KIF5C: variants seen among roughly 807,000 people sequenced by gnomAD.
KIF5C encodes the protein kinesin heavy chain isoform 5C.
Under a neutral mutation model 125.2 loss-of-function variants are expected in KIF5C, and 18 were observed. The ratio of observed to expected loss-of-function variants is 0.14; its 90% CI spans 0.10 to 0.21. KIF5C has a LOEUF of 0.21. Among genes scored for constraint, KIF5C ranks in the 10% least tolerant of loss-of-function variants. KIF5C has a pLI of 1.00. For missense variants in KIF5C, 780 were observed against 1,183.8 expected, an observed-to-expected ratio of 0.66 and a Z score of 5.01; for synonymous variants, 405 against 434.0, an observed-to-expected ratio of 0.93 and a Z score of 0.83.
chr2:148,955,248 T>C (rs1254750094), intron 10 of KIF5C, among the ~76,000 whole-genome samples: 1 of 152,246 alleles, frequency 6.6e-6, no homozygotes, highest in Non-Finnish European at 1.5e-5. Context: ...TAGTTTTATA[T>C]GTCAGCTTGG....
chr2:148,980,757 G>A (rs142160526), intron 13 of KIF5C, among the ~76,000 whole-genome samples: 300 of 151,942 alleles, frequency 2.0e-3, no homozygotes, highest in African/African-American at 6.9e-3. Flanking sequence ...CCAGGCTGGA[G>A]TGCAGTGGCA....
intron 25 of KIF5C, among the ~76,000 whole-genome samples, chr2:149,017,005 G>A (rs941838926): frequency 2.6e-5 from 4 of 152,186 alleles, no homozygotes; most frequent in Non-Finnish European, 5.9e-5. Flanking sequence ...CTCAGAGCTT[G>A]AGTAAGATGA....
chr2:148,885,951 C>T (rs1252892055), intron 1 of KIF5C: 1 of 152,152 alleles, frequency 6.6e-6, no homozygotes, highest in East Asian at 1.9e-4. Context: ...TCTTATTTTG[C>T]CAAGCAGTCG....
rs751217297 is a variant in KIF5C at position 148,973,426 on chromosome 2, C to T, written c.1208C>T (p.Ala403Val). 2 of 1,613,758 alleles carry T rather than the reference C, an allele frequency of 1.2e-6. No individual in the cohort carries two copies. The highest frequency in any genetic ancestry group is 4.5e-5 in the East Asian group (2 of 44,864). The change falls in exon 12 of 26, where the codon GCT (alanine) becomes GTT (valine). Residue 403 changes from alanine (A) to valine (V), a missense_variant. By Grantham distance (64) the Ala-to-Val change is moderately conservative. Transcript: ENST00000435030. Reference protein sequence around the residue: ...CDNTPIIDNIAPVVAGISTEE... With the variant: ...CDNTPIIDNIVPVVAGISTEE... ...AACACCCCCATCATAGACAATATTGCTCCTGTTGTTGCTGGCATCTCTACA... is the reference window on the plus strand; with the variant it reads ...AACACCCCCATCATAGACAATATTGTTCCTGTTGTTGCTGGCATCTCTACA...
Position 148,937,152 on chromosome 2 carries a change from G to T in KIF5C, c.292-132G>T, listed in dbSNP as rs953938074. Reference sequence around the variant, plus strand: ...TGGCAAGTCAGGTAGATGCCCAAGGGAGCTGGCAGGCACACGTGGGTGCTT... The same window carrying T: ...TGGCAAGTCAGGTAGATGCCCAAGGTAGCTGGCAGGCACACGTGGGTGCTT... On this transcript the variant is annotated intron_variant, in intron 3 of 25. Coordinates refer to ENST00000435030, the MANE Select transcript of KIF5C (RefSeq NM_004522.3). 13 of 1,324,714 alleles carry T rather than the reference G, an allele frequency of 9.8e-6. No individual in the cohort carries two copies. In the African/African-American group the frequency reaches 1.9e-4, roughly 20 times the overall value. The allele number at this position is 1,324,714 out of a possible 1,614,324, so 82.1% of individuals were successfully genotyped here. A position where few individuals can be genotyped will look rare whatever the true frequency, so the allele number is the denominator to read the frequency against.
intron 25 of KIF5C, among the ~76,000 whole-genome samples, chr2:149,017,635 A>C (rs1303503539): frequency 6.6e-6 from 1 of 152,240 alleles, no homozygotes; most frequent in Non-Finnish European, 1.5e-5. Context: ...GACGGAAGGC[A>C]GAATGGTCTT....
chr2:148,936,929 C>T (rs1335907717), intron 3 of KIF5C, among the ~76,000 whole-genome samples: 2 of 152,156 alleles, frequency 1.3e-5, no homozygotes, highest in African/African-American at 4.8e-5. Flanking sequence ...AAAACCCAAA[C>T]CCATATATTC....
At chr2:148,930,844 TCTC>T (rs1682164525) in intron 3 of KIF5C, among the ~76,000 whole-genome samples, 1 of 152,062 alleles carries the variant, frequency 6.6e-6, no homozygotes, top group African/African-American at 2.4e-5. Context: ...CAGCCCATCT[TCTC>T]CTCCTCTCAC....
At chr2:148,949,814 C>T (rs1202064787) in intron 8 of KIF5C, 25 bp from the exon 9 acceptor site, 7 of 1,611,768 alleles carry the variant, frequency 4.3e-6, no homozygotes, top group Non-Finnish European at 5.9e-6. Flanking sequence ...CTGTGCTGCT[C>T]ACTGCTTTCT....
At chr2:149,016,549 G>T (rs555800075) in intron 25 of KIF5C, among the ~76,000 whole-genome samples, 3 of 152,296 alleles carry the variant, frequency 2.0e-5, no homozygotes, top group East Asian at 3.9e-4. Flanking sequence ...GATTTTTGTG[G>T]GCTCTAGCAG....
chr2:148,983,537 A>C, intron 14 of KIF5C, 83 bp from the exon 15 acceptor site: 2 of 1,427,640 alleles, frequency 1.4e-6, no homozygotes, highest in African/African-American at 1.4e-5. Context: ...TCCATTCTAC[A>C]TGATGGTGTT....
At chr2:148,878,319 T>G (rs756189395) in intron 1 of KIF5C, 6 of 152,242 alleles carry the variant, frequency 3.9e-5, no homozygotes, top group Non-Finnish European at 8.8e-5. Flanking sequence ...AACTTTATAT[T>G]ACATAAAACC....
intron 1 of KIF5C, chr2:148,885,884 T>C (rs1681506707): frequency 6.6e-6 from 1 of 152,198 alleles, no homozygotes; most frequent in African/African-American, 2.4e-5. Context: ...TATTGACACA[T>C]GGTGGGACTC....
At chr2:148,902,087 A>G (rs552177196) in intron 1 of KIF5C, among the ~76,000 whole-genome samples, 173 of 152,244 alleles carry the variant, frequency 1.1e-3, no homozygotes, top group Non-Finnish European at 6.5e-4. Context: ...TTGGGGTTCT[A>G]ACAGTCAGCG....
intron 21 of KIF5C, among the ~76,000 whole-genome samples, chr2:149,001,925 C>T (rs1421907830): frequency 6.6e-6 from 1 of 152,176 alleles, no homozygotes; most frequent in Non-Finnish European, 1.5e-5. Flanking sequence ...AGATTGTGCT[C>T]TGGCCCATGG....
intron 22 of KIF5C, 33 bp from the exon 23 acceptor site, chr2:149,007,930 G>A (rs1449919566): frequency 5.2e-6 from 8 of 1,536,708 alleles, no homozygotes; most frequent in Non-Finnish European, 7.1e-6. Flanking sequence ...GTGGGTGACA[G>A]CCTGTCCTGC....
At chr2:148,972,872 A>G (rs758796684) in intron 11 of KIF5C, among the ~76,000 whole-genome samples, 1 of 152,232 alleles carries the variant, frequency 6.6e-6, no homozygotes, top group Non-Finnish European at 1.5e-5. Flanking sequence ...AGAGTGTTCT[A>G]TCAAACAATG....
In KIF5C at chr2:148,941,627, C is replaced by A. The variant is rs1259070985; in HGVS notation, c.414C>A (p.Ile138=). 1.9e-6 allele frequency: 3 copies of A among 1,560,178 alleles called. No individual in the cohort carries two copies. The highest frequency in any genetic ancestry group is 2.6e-6 in the Non-Finnish European group (3 of 1,150,250). The change falls in exon 5 of 26, where the codon ATC becomes ATA. Residue 138 remains isoleucine (I), a synonymous_variant. Transcript: ENST00000435030. ...EFHIKVSYFE[I]YLDKIRDLLD... ...TTAACTAGGTTTCCTATTTTGAGAT[C>A]TACTTGGACAAAATAAGGGACTTAC...
At chr2:148,905,345 A>G (rs1681064172) in intron 1 of KIF5C, among the ~76,000 whole-genome samples, 1 of 152,170 alleles carries the variant, frequency 6.6e-6, no homozygotes, top group Admixed American at 6.5e-5. Flanking sequence ...TTAAAAAGAG[A>G]AATTAAAGAA....
Sources: gnomAD v4.1 joint callset for allele counts (sites outside exome capture counted in the v4.1 genomes callset) on GRCh38, gnomAD v4.1.1 for gene constraint, MANE v1.5 for transcripts, NCBI Gene and HGNC (gene_info 2026-07-23, HGNC 2026-07-21) for gene names.